IDH3G: variants seen among roughly 807,000 people sequenced by gnomAD.
IDH3G encodes isocitrate dehydrogenase (NAD(+)) 3 non-catalytic subunit gamma, also known as isocitrate dehydrogenase [NAD] subunit gamma, mitochondrial.
In IDH3G, 9 loss-of-function variants were observed where a neutral mutation model predicts 26.9. The ratio of observed to expected loss-of-function variants is 0.34; its 90% CI spans 0.20 to 0.58. The LOEUF (loss-of-function observed/expected upper bound fraction) is 0.58, where lower values mean the gene tolerates loss of function less well. IDH3G is among the 20% of genes least tolerant of loss of function. The pLI is 0.85. For missense variants in IDH3G, 250 were observed against 372.8 expected (o/e 0.67, Z 2.71); for synonymous variants, 181 against 160.0 (o/e 1.13, Z -0.99).
At chrX:153,788,747 C>A (rs2092098397) in intron 5 of IDH3G, among the ~76,000 whole-genome samples, 1 of 113,161 alleles carries the variant, frequency 8.8e-6, no homozygotes, top group Non-Finnish European at 1.9e-5. Flanking sequence ...GTGGCTGGCA[C>A]AAAGGCCCCT....
At chrX:153,792,839 C>A (rs2092114599) in intron 1 of IDH3G, among the ~76,000 whole-genome samples, 1 of 112,449 alleles carries the variant, frequency 8.9e-6, no homozygotes, top group Middle Eastern at 4.2e-3. Context: ...GTGAAGCCAC[C>A]AATCAAAGGA....
At position 153,786,192 on chromosome X, in the gene IDH3G, G is replaced by A; in HGVS notation, c.1080+20C>T. ...GGAGACTGGGCGGGGCAGCAGGGTA[G>A]GGTGCGAGGGGAACCTCACATTCTC... On this transcript the variant is annotated intron_variant, in intron 12 of 12. Coordinates refer to ENST00000217901, the MANE Select transcript of IDH3G (RefSeq NM_004135.4). 1 of 1,207,848 alleles carries A rather than the reference G, an allele frequency of 8.3e-7. No individual in the cohort carries two copies. The highest frequency in any genetic ancestry group is 1.1e-6 in the Non-Finnish European group (1 of 892,650).
At chrX:153,790,922 A>T in intron 1 of IDH3G, 71 bp from the exon 2 acceptor site, 1 of 996,736 alleles carries the variant, frequency 1.0e-6, no homozygotes, top group Non-Finnish European at 1.4e-6. Context: ...GGAAAAACGG[A>T]CCGTCCCCAC....
intron 6 of IDH3G, 59 bp downstream of exon 6, chrX:153,788,016 C>T: frequency 8.3e-7 from 1 of 1,205,280 alleles, no homozygotes; most frequent in African/African-American, 1.7e-5. Flanking sequence ...GAGCCAGACT[C>T]CACTGGCTCA....
At position 153,794,342 on chromosome X, in the gene IDH3G, C is replaced by T. The variant is rs782753578; in HGVS notation, c.-16G>A. On this transcript the variant is annotated 5_prime_UTR_variant, in exon 1 of 13. Coordinates refer to ENST00000217901, the MANE Select transcript of IDH3G (RefSeq NM_004135.4). ...TCAGCGCCATGACGGAAAGTGAGAG[C>T]CTCCGCACGTCCCGACACGCAGATA... is the stretch of plus-strand genomic sequence containing the variant. The T allele has an allele frequency of 4.4e-5, 52 of 1,186,667 alleles. No homozygotes were observed. The highest frequency in any genetic ancestry group is 5.8e-5 in the Non-Finnish European group (51 of 884,066).
intron 1 of IDH3G, among the ~76,000 whole-genome samples, chrX:153,791,799 C>A (rs1190402748): frequency 1.8e-5 from 2 of 112,295 alleles, no homozygotes; most frequent in African/African-American, 6.5e-5. Flanking sequence ...GGAGTCTGAC[C>A]TCTCCCTGTC....
chrX:153,787,899 A>C lies in IDH3G; in HGVS notation c.464T>G (p.Val155Gly). ...GATGTCTATGTCCTTGTGCCGGGTC[A>C]CCACGCCTGGAAGGCTCTTACAGTG... is the stretch of plus-strand genomic sequence containing the variant. ...VIHCKSLPGV[V>G]TRHKDIDILI... Residue 155 changes from valine to glycine, a missense_variant, in exon 7 of 13, where the codon GTG becomes GGG. Transcript: ENST00000217901. 4.1e-6 allele frequency: 5 copies of C among 1,211,020 alleles called. No homozygotes were observed. The highest frequency in any genetic ancestry group is 5.6e-6 in the Non-Finnish European group (5 of 894,692).
In IDH3G at chrX:153,790,577, T is replaced by C. The variant is rs1557070244; in HGVS notation, c.124-2A>G. On this transcript the variant is annotated splice_acceptor_variant, in intron 2 of 12. Transcript: ENST00000217901. LOFTEE classifies it high-confidence loss of function. ...AAGAATACTCACAATTGTTTGTTCC[T>C]AGAAAGGATGAGAAAGGAAGAAGAC... is the stretch of plus-strand genomic sequence containing the variant. 3 of 1,206,886 alleles carry C rather than the reference T, an allele frequency of 2.5e-6. No homozygotes were observed. Among genetic ancestry groups the C allele is most frequent in the Non-Finnish European group, 3.4e-6 (3 of 892,482 alleles).
At chrX:153,793,167 C>CGT (rs2092116478) in intron 1 of IDH3G, among the ~76,000 whole-genome samples, 1 of 111,447 alleles carries the variant, frequency 9.0e-6, no homozygotes, top group South Asian at 3.8e-4. Flanking sequence ...CACAGGCACA[C>CGT]ACACAGGGGA....
intron 8 of IDH3G, 81 bp downstream of exon 8, chrX:153,787,383 G>A: frequency 8.9e-7 from 1 of 1,128,681 alleles, no homozygotes; most frequent in South Asian, 2.0e-5. Context: ...TGGGCTTTTG[G>A]ACCACAAATC....
In IDH3G at chrX:153,787,470, T is replaced by C. The variant is rs2092093303; in HGVS notation, c.668A>G (p.Asn223Ser). 8.3e-7 allele frequency: 1 copy of C among 1,210,207 alleles called. No homozygotes were observed. Among genetic ancestry groups the C allele is most frequent in the African/African-American group, 1.7e-5 (1 of 57,525 alleles). Residue 223 changes from asparagine to serine, a missense_variant, in exon 8 of 13, where the codon AAC becomes AGC. Asn to Ser is a conservative substitution (Grantham distance 46, BLOSUM62 1). This residue lies in a region of IDH3G where 201 missense variants were observed against 331.3 expected (regional missense o/e 0.61). Coordinates refer to ENST00000217901, the MANE Select transcript of IDH3G (RefSeq NM_004135.4). ...GAGAGGTCAGGGGACATACATGATG[T>C]TGGCCTTGTGCACGGCCGTCACTTT... ...RKKVTAVHKA[N>S]IMKLGDGLFL...
At chrX:153,786,064 G>A in intron 12 of IDH3G, 91 bp from the exon 13 acceptor site, 8 of 1,203,660 alleles carry the variant, frequency 6.6e-6, no homozygotes, top group Non-Finnish European at 9.0e-6. Context: ...CCACAGGAGG[G>A]AAGTGGCACC....
chrX:153,789,000 C>G, intron 5 of IDH3G: 1 of 290,867 alleles, frequency 3.4e-6, no homozygotes, highest in Non-Finnish European at 6.9e-6. Context: ...AAGAAAGATG[C>G]TGAGGGTCAA....
At chrX:153,788,243 T>TG (rs72198906) in intron 5 of IDH3G, 108 bp from the exon 6 acceptor site, 318,095 of 788,203 alleles carry the variant, frequency 0.4, 47,995 homozygotes, top group East Asian at 0.79. Flanking sequence ...AAATGTTTCC[T>TG]GAACACTAGA....
Position 153,786,870 on chromosome X carries a change from C to T in IDH3G, c.855G>A (p.Ala285=), listed in dbSNP as rs782226781. 3.3e-6 allele frequency: 4 copies of T among 1,210,204 alleles called. No homozygotes were observed. Among genetic ancestry groups the T allele is most frequent in the African/African-American group, 3.5e-5 (2 of 57,669 alleles). ...LYGNIVNNVC[A]GLVGGPGLVA... Reference sequence around the variant, plus strand: ...CAAGGCCTGGGCCCCCGACCAGTCCCGCGCAGACATTGTTGACGATGTTGC... The same window carrying T: ...CAAGGCCTGGGCCCCCGACCAGTCCTGCGCAGACATTGTTGACGATGTTGC... Residue 285 remains alanine (A), a synonymous_variant, in exon 10 of 13, where the codon GCG becomes GCA. Transcript: ENST00000217901.
At chrX:153,787,025 G>A (rs1557069345) in intron 9 of IDH3G, 26 bp downstream of exon 9, 1 of 1,193,073 alleles carries the variant, frequency 8.4e-7, no homozygotes, top group Non-Finnish European at 1.1e-6. Flanking sequence ...CTCAGGGCAG[G>A]GGGACAGCAC....
At position 153,788,051 on chromosome X, in the gene IDH3G, C is replaced by T. The variant is rs370344360; in HGVS notation, c.407+24G>A. The stretch of plus-strand genomic sequence containing the variant: ...ACCCCACCTTAGCCCCACCAAGCCC[C>T]CAGCCCGCACACCCGGATCTCACCG... On this transcript the variant is annotated intron_variant, in intron 6 of 12. Coordinates refer to ENST00000217901, the MANE Select transcript of IDH3G (RefSeq NM_004135.4). 1.2e-5 allele frequency: 15 copies of T among 1,210,275 alleles called. No individual in the cohort carries two copies. The African/African-American group carries it at 2.6e-4, about 21-fold the overall frequency.
At chrX:153,794,190 A>C (rs935953269) in intron 1 of IDH3G, 56 bp downstream of exon 1, 27 of 1,117,916 alleles carry the variant, frequency 2.4e-5, no homozygotes, top group Non-Finnish European at 3.1e-5. Context: ...GGGTGCGGCT[A>C]CCCCACCGCT....
chrX:153,792,529 C>T (rs1221980893), intron 1 of IDH3G: 1 of 112,494 alleles, frequency 8.9e-6, no homozygotes, highest in Non-Finnish European at 1.9e-5. Flanking sequence ...GAGTTCAAGG[C>T]TGGTGTCCCT....
Sources: allele counts gnomAD v4.1 joint callset (sites outside exome capture counted in the v4.1 genomes callset), GRCh38; gene constraint gnomAD v4.1.1; regional missense constraint gnomAD v4.1.1; transcripts MANE v1.5; gene names NCBI Gene and HGNC (gene_info 2026-07-23, HGNC 2026-07-21).